The following ZNF385B variants were observed in gnomAD, a reference collection of about 807,000 sequenced individuals.
The protein encoded by ZNF385B is zinc finger protein 385B.
A neutral mutation model predicts 39.2 loss-of-function variants in ZNF385B; 23 were observed. That is an observed-to-expected ratio of 0.59 (90% CI 0.42 to 0.83). ZNF385B has a LOEUF of 0.83. Among genes scored for constraint, ZNF385B ranks in the 40% least tolerant of loss-of-function variants. ZNF385B has a pLI of 0.00. For synonymous variants in ZNF385B, 205 were observed against 222.6 expected (o/e 0.92, Z 0.70); for missense variants, 552 against 598.9 (o/e 0.92, Z 0.82).
chr2:179,847,717 A>C (rs754335996), intron 1 of ZNF385B, among the ~76,000 whole-genome samples: 1 of 152,180 alleles, frequency 6.6e-6, no homozygotes, highest in Admixed American at 6.5e-5. Context: ...ACAGGGCCGC[A>C]TGGATGGATG....
intron 5 of ZNF385B, among the ~76,000 whole-genome samples, chr2:179,508,455 G>A (rs2057416568): frequency 6.6e-6 from 1 of 152,156 alleles, no homozygotes; most frequent in African/African-American, 2.4e-5. Context: ...CTCCCAAGTG[G>A]CGAGACAAGT....
intron 5 of ZNF385B, among the ~76,000 whole-genome samples, chr2:179,495,250 G>C (rs940032714): frequency 2.6e-5 from 4 of 152,212 alleles, no homozygotes; most frequent in African/African-American, 9.6e-5. Flanking sequence ...GCCTAAGGTG[G>C]TGGTGGCTAT....
At position 179,443,280 on chromosome 2, in the gene ZNF385B, A is replaced by G; in HGVS notation, c.1431T>C (p.Thr477=). ...ACGGAGCAAAGAGGATGGAGGCAGG[A>G]GTGGCGCGGATGGGCCCATGCCCAG... ...LRPGHGPIRA[T]PASILFAPY is the part of the protein sequence containing the mutation. Residue 477 remains threonine, a synonymous_variant, in exon 10 of 10, where the codon ACT becomes ACC. Transcript: ENST00000410066. The G allele has an allele frequency of 6.2e-7, 1 of 1,612,530 alleles. No individual in the cohort carries two copies. Among genetic ancestry groups the G allele is most frequent in the Non-Finnish European group, 8.5e-7 (1 of 1,180,018 alleles).
intron 3 of ZNF385B, among the ~76,000 whole-genome samples, chr2:179,618,632 T>A (rs1174551647): frequency 6.6e-6 from 1 of 152,150 alleles, no homozygotes; most frequent in Non-Finnish European, 1.5e-5. Context: ...ATGGAGAGAA[T>A]CAAAGCTAAT....
chr2:179,464,772 C>T (rs982504709), intron 6 of ZNF385B, among the ~76,000 whole-genome samples: 12 of 152,160 alleles, frequency 7.9e-5, no homozygotes, highest in Non-Finnish European at 1.8e-4. Context: ...AGTTTGAAGT[C>T]AGGTAGCATG....
At chr2:179,537,244 G>A (rs1162773275) in intron 4 of ZNF385B, among the ~76,000 whole-genome samples, 8 of 150,300 alleles carry the variant, frequency 5.3e-5, no homozygotes, top group East Asian at 2.0e-4. Flanking sequence ...GGAGGTTGCC[G>A]TGAGCCAAGA....
At chr2:179,704,969 G>C (rs1158590466) in intron 3 of ZNF385B, among the ~76,000 whole-genome samples, 1 of 152,092 alleles carries the variant, frequency 6.6e-6, no homozygotes, top group African/African-American at 2.4e-5. Context: ...AGCACACCCT[G>C]CTATCTATTC....
intron 3 of ZNF385B, among the ~76,000 whole-genome samples, chr2:179,577,989 A>C (rs1686032862): frequency 6.6e-6 from 1 of 152,092 alleles, no homozygotes; most frequent in South Asian, 2.1e-4. Flanking sequence ...TTAATTACAT[A>C]ATCATATGCT....
chr2:179,470,523 G>A (rs4416180), intron 6 of ZNF385B, among the ~76,000 whole-genome samples: 26,518 of 152,084 alleles, frequency 0.17, 2,423 homozygotes, highest in Middle Eastern at 0.25. Context: ...GGTCGCTAGG[G>A]CCACTCAGGG....
intron 4 of ZNF385B, among the ~76,000 whole-genome samples, chr2:179,532,376 T>C (rs1481881684): frequency 1.3e-5 from 2 of 152,136 alleles, no homozygotes; most frequent in African/African-American, 2.4e-5. Context: ...CCAGTTTGCT[T>C]ATATGTTGGC....
At chr2:179,647,660 G>C (rs1399115456) in intron 3 of ZNF385B, among the ~76,000 whole-genome samples, 3 of 152,162 alleles carry the variant, frequency 2.0e-5, no homozygotes, top group African/African-American at 7.2e-5. Flanking sequence ...CAAGTATACA[G>C]AATGTTCCTA....
At chr2:179,800,627 T>G (rs371239140) in intron 1 of ZNF385B, among the ~76,000 whole-genome samples, 15 of 152,240 alleles carry the variant, frequency 9.9e-5, no homozygotes, top group African/African-American at 2.9e-4. Context: ...CCAATACTTG[T>G]ATATCTAAGC....
rs745465437 is a variant in ZNF385B at position 179,446,568 on chromosome 2, T to A, written c.918A>T (p.Lys306Asn). The change falls in exon 7 of 10, where the codon AAA becomes AAT. Residue 306 changes from lysine to asparagine, a missense_variant. Lys to Asn is a moderately conservative substitution (Grantham distance 94). Transcript: ENST00000410066. ...GCTGTGACAGGGAGTTCACAGCCACTTTGCATAGTGAACAATAAAGTAATT... is the reference window on the plus strand; with the variant it reads ...GCTGTGACAGGGAGTTCACAGCCACATTGCATAGTGAACAATAAAGTAATT... ...AKKLLYCSLC[K>N]VAVNSLSQLE... The A allele has an allele frequency of 9.3e-6, 15 of 1,614,018 alleles. No homozygotes were observed. Among genetic ancestry groups the A allele is most frequent in the Non-Finnish European group, 1.3e-5 (15 of 1,180,000 alleles).
At chr2:179,663,059 T>G (rs1183794814) in intron 3 of ZNF385B, among the ~76,000 whole-genome samples, 1 of 152,208 alleles carries the variant, frequency 6.6e-6, no homozygotes, top group African/African-American at 2.4e-5. Context: ...TAATATTAAT[T>G]AGTTGTTTTT....
intron 1 of ZNF385B, among the ~76,000 whole-genome samples, chr2:179,820,329 A>G (rs1282693467): frequency 2.0e-5 from 3 of 152,012 alleles, no homozygotes; most frequent in Admixed American, 6.5e-5. Context: ...GACTCTGACT[A>G]TAGCCCTTTT....
intron 3 of ZNF385B, among the ~76,000 whole-genome samples, chr2:179,586,401 T>C (rs16866814): frequency 0.16 from 24,863 of 152,178 alleles, 2,088 homozygotes; most frequent in East Asian, 0.25. Context: ...AAACATGGCA[T>C]ATCAGCAGCC....
rs1043670043 is a variant in ZNF385B at position 179,553,201 on chromosome 2, T to C, written c.299-8232A>G. On this transcript the variant is annotated intron_variant, in intron 3 of 9. Coordinates refer to ENST00000410066, the MANE Select transcript of ZNF385B (RefSeq NM_152520.6). ...TTAAAATACTGGACCTCCAAACAGA[T>C]ATAGTATTCAACTGGGAATTAGTTG... Among the ~76,000 whole-genome samples the C allele has an allele frequency of 2.1e-4, 31 of 149,344 alleles. 2 individuals are homozygous for C. The highest frequency in any genetic ancestry group is 7.6e-4 in the African/African-American group (30 of 39,716).
chr2:179,789,816 G>C (rs148489620), intron 1 of ZNF385B, among the ~76,000 whole-genome samples: 7 of 152,190 alleles, frequency 4.6e-5, no homozygotes, highest in African/African-American at 1.4e-4. Context: ...AAACATAAGA[G>C]AAGTTTGCCT....
At chr2:179,510,950 T>C (rs2057637155) in intron 5 of ZNF385B, among the ~76,000 whole-genome samples, 1 of 152,192 alleles carries the variant, frequency 6.6e-6, no homozygotes, top group Non-Finnish European at 1.5e-5. Flanking sequence ...GAATGTTACA[T>C]AATGACAAAT....
Sources: allele counts gnomAD v4.1 joint callset (sites outside exome capture counted in the v4.1 genomes callset), GRCh38; gene constraint gnomAD v4.1.1; transcripts MANE v1.5; gene names NCBI Gene and HGNC (gene_info 2026-07-23, HGNC 2026-07-21).